KANSL1L: variants seen among roughly 807,000 people sequenced by gnomAD.
The protein encoded by KANSL1L is KAT8 regulatory NSL complex subunit 1-like protein.
KANSL1L carries 25 observed loss-of-function variants against 108.6 expected under a neutral mutation model. The ratio of observed to expected loss-of-function variants is 0.23; its 90% CI spans 0.17 to 0.32. KANSL1L has a LOEUF of 0.32. Among genes scored for constraint, KANSL1L ranks in the 10% least tolerant of loss-of-function variants. KANSL1L has a pLI of 1.00. For synonymous variants in KANSL1L, 405 were observed against 395.1 expected, an observed-to-expected ratio of 1.03 and a Z score of -0.30; for missense variants, 1,137 against 1,125.7, an observed-to-expected ratio of 1.01 and a Z score of -0.14.
intron 3 of KANSL1L, among the ~76,000 whole-genome samples, chr2:210,119,897 G>C (rs1389140911): frequency 1.3e-5 from 2 of 152,128 alleles, no homozygotes; most frequent in Non-Finnish European, 2.9e-5. Context: ...AAAGAACAAA[G>C]CAGAAGGCAT....
At chr2:210,068,461 G>A (rs1052020605) in intron 6 of KANSL1L, among the ~76,000 whole-genome samples, 4 of 152,010 alleles carry the variant, frequency 2.6e-5, no homozygotes, top group Non-Finnish European at 5.9e-5. Flanking sequence ...AATTAACAAA[G>A]CCCAAATTAG....
chr2:210,078,069 T>C (rs539931188), intron 5 of KANSL1L, among the ~76,000 whole-genome samples: 7 of 152,328 alleles, frequency 4.6e-5, no homozygotes, highest in Middle Eastern at 3.4e-3. Context: ...CTAGGCTATA[T>C]GGTATAGCCT....
At chr2:210,099,114 G>C (rs1033173271) in intron 4 of KANSL1L, among the ~76,000 whole-genome samples, 6 of 151,932 alleles carry the variant, frequency 3.9e-5, no homozygotes, top group Admixed American at 3.9e-4. Context: ...CTAACATTTA[G>C]GTATATATTT....
chr2:210,169,388 G>A (rs957032421), intron 1 of KANSL1L, among the ~76,000 whole-genome samples: 3 of 152,136 alleles, frequency 2.0e-5, no homozygotes, highest in African/African-American at 7.2e-5. Flanking sequence ...ATAATGATAT[G>A]CGAATGTCTG....
At position 210,060,047 on chromosome 2, in the gene KANSL1L, G is replaced by A. The variant is rs193126342; in HGVS notation, c.1755+15505C>T. On this transcript the variant is annotated intron_variant, in intron 6 of 14. Transcript: ENST00000281772. Reference sequence around the variant, plus strand: ...CGTGAGCTATCATGCCCAGCTTCCAGTAAGAATTTAAATTTCTATGAGATG... The same window carrying A: ...CGTGAGCTATCATGCCCAGCTTCCAATAAGAATTTAAATTTCTATGAGATG... Among the ~76,000 whole-genome samples, 59 of 152,174 alleles carry A rather than the reference G, an allele frequency of 3.9e-4. 1 individual carries two copies. The highest frequency in any genetic ancestry group is 1.7e-3 in the East Asian group (9 of 5,192).
chr2:210,084,887 G>T (rs958887158), intron 5 of KANSL1L, among the ~76,000 whole-genome samples: 1 of 152,166 alleles, frequency 6.6e-6, no homozygotes, highest in Non-Finnish European at 1.5e-5. Context: ...TGGGATTACA[G>T]GCATAAGCCA....
At chr2:210,162,538 G>A (rs758853606) in intron 1 of KANSL1L, among the ~76,000 whole-genome samples, 1 of 151,984 alleles carries the variant, frequency 6.6e-6, no homozygotes, top group African/African-American at 2.4e-5. Context: ...TGGAGTTCAA[G>A]CAAGAATTCA....
intron 6 of KANSL1L, among the ~76,000 whole-genome samples, chr2:210,061,888 G>A (rs1319388263): frequency 6.6e-6 from 1 of 152,202 alleles, no homozygotes; most frequent in Non-Finnish European, 1.5e-5. Flanking sequence ...GCTTATGAAA[G>A]ATGTAGTGTT....
At chr2:210,086,393 A>G (rs1301128815) in intron 5 of KANSL1L, among the ~76,000 whole-genome samples, 1 of 152,066 alleles carries the variant, frequency 6.6e-6, no homozygotes, top group Non-Finnish European at 1.5e-5. Flanking sequence ...TCCCTATGAT[A>G]ATAAAATGTA....
chr2:210,169,883 C>T (rs1688227295), intron 1 of KANSL1L, among the ~76,000 whole-genome samples: 1 of 152,154 alleles, frequency 6.6e-6, no homozygotes, highest in African/African-American at 2.4e-5. Context: ...ATAAAAATAA[C>T]ACTACTTGGC....
At chr2:210,040,237 G>A (rs373079258) in intron 8 of KANSL1L, 183 bp downstream of exon 8, 264 of 496,282 alleles carry the variant, frequency 5.3e-4, no homozygotes, top group African/African-American at 4.1e-3. Flanking sequence ...AATAGGTATC[G>A]CACATTTCAT....
At chr2:210,167,735 T>C (rs559916254) in intron 1 of KANSL1L, among the ~76,000 whole-genome samples, 2 of 151,986 alleles carry the variant, frequency 1.3e-5, no homozygotes, top group African/African-American at 4.8e-5. Context: ...ATTAACAAAG[T>C]CTCAATATTA....
chr2:210,072,555 A>C (rs1277300708), intron 6 of KANSL1L, among the ~76,000 whole-genome samples: 4 of 152,180 alleles, frequency 2.6e-5, no homozygotes, highest in African/African-American at 9.6e-5. Context: ...AGATGGTTTC[A>C]GGATGAAACT....
chr2:210,165,122 TG>T (rs1462678447), intron 1 of KANSL1L, among the ~76,000 whole-genome samples: 2 of 151,324 alleles, frequency 1.3e-5, no homozygotes, highest in African/African-American at 4.8e-5. Flanking sequence ...ACCAAAGCAC[TG>T]GCATACTTTT....
intron 6 of KANSL1L, among the ~76,000 whole-genome samples, chr2:210,052,132 T>C (rs2094300194): frequency 6.6e-6 from 1 of 151,408 alleles, no homozygotes; most frequent in African/African-American, 2.4e-5. Flanking sequence ...TCCTCTAGAG[T>C]AGCTGGGACT....
chr2:210,137,279 G>A (rs971551097), intron 2 of KANSL1L, among the ~76,000 whole-genome samples: 1 of 152,168 alleles, frequency 6.6e-6, no homozygotes, highest in Non-Finnish European at 1.5e-5. Context: ...GCTACAGGAG[G>A]ATATTTCTAT....
Position 210,060,994 on chromosome 2 carries a change from G to C in KANSL1L, c.1755+14558C>G, listed in dbSNP as rs549826054. Among the ~76,000 whole-genome samples, 21 of 152,298 alleles carry C rather than the reference G, an allele frequency of 1.4e-4. No homozygotes were observed. In the East Asian group the frequency reaches 4.0e-3, roughly 29 times the overall value. The stretch of plus-strand genomic sequence containing the variant: ...TACTCCCCACCCCCAATATGGAGGA[G>C]GGTGATTGGGAGCATGACCAAATAA... On this transcript the variant is annotated intron_variant, in intron 6 of 14. Coordinates refer to ENST00000281772, the MANE Select transcript of KANSL1L (RefSeq NM_152519.4).
chr2:210,095,263 T>C (rs2094725619), intron 5 of KANSL1L, among the ~76,000 whole-genome samples: 1 of 151,362 alleles, frequency 6.6e-6, no homozygotes, highest in Non-Finnish European at 1.5e-5. Context: ...TCTGTGACTT[T>C]GTATGTCCCT....
intron 6 of KANSL1L, among the ~76,000 whole-genome samples, chr2:210,055,762 G>T (rs1029433308): frequency 6.6e-6 from 1 of 152,168 alleles, no homozygotes; most frequent in East Asian, 1.9e-4. Context: ...ATGATCTAGA[G>T]TATCTGGTGG....
Sources: gnomAD v4.1 joint callset for allele counts (sites outside exome capture counted in the v4.1 genomes callset) on GRCh38, gnomAD v4.1.1 for gene constraint, MANE v1.5 for transcripts, NCBI Gene and HGNC (gene_info 2026-07-23, HGNC 2026-07-21) for gene names.